Variants in C1orf174 observed in about 807,000 individuals in gnomAD.
The protein encoded by C1orf174 is UPF0688 protein C1orf174.
A neutral mutation model predicts 18.4 loss-of-function variants in C1orf174; 13 were observed. That is an observed-to-expected ratio of 0.71 (90% CI 0.46 to 1.12). C1orf174 has a LOEUF of 1.12. Ranked by LOEUF, C1orf174 falls within the 50% of genes most tolerant of loss-of-function variation. C1orf174 has a pLI of 0.00. For synonymous variants in C1orf174, 100 were observed against 118.3 expected, an observed-to-expected ratio of 0.85 and a Z score of 1.01; for missense variants, 309 against 308.0, an observed-to-expected ratio of 1.00 and a Z score of -0.02.
Position 3,900,239 on chromosome 1 carries a change from G to C in C1orf174, c.-53C>G. On this transcript the variant is annotated 5_prime_UTR_variant, in exon 1 of 4. Transcript: ENST00000361605. Reference sequence around the variant, plus strand: ...CGCGCCCCGGCCAACGCGTCCCGGCGGAGCGGCGACCCGGAGTCTGCAGAG... The same window carrying C: ...CGCGCCCCGGCCAACGCGTCCCGGCCGAGCGGCGACCCGGAGTCTGCAGAG... 1 of 1,535,292 alleles carries C rather than the reference G, an allele frequency of 6.5e-7. No individual in the cohort carries two copies.
chr1:3,895,049 C>T (rs946726490), intron 1 of C1orf174, among the ~76,000 whole-genome samples: 2 of 152,220 alleles, frequency 1.3e-5, no homozygotes, highest in Non-Finnish European at 2.9e-5. Context: ...TCACGTGCCT[C>T]GTAGGGAAAA....
At position 3,890,079 on chromosome 1, in the gene C1orf174, T is replaced by A. The variant is rs4520357; in HGVS notation, c.619-6A>T. ...GAAGACGCAGGTGGGAGGTCCTTAG[T>A]GGAGAAGAAAACATGACTTCAGTCA... On this transcript the variant is annotated splice_region_variant and splice_polypyrimidine_tract_variant and intron_variant, in intron 3 of 3. Transcript: ENST00000361605. 533,126 of 1,610,590 alleles carry A rather than the reference T, an allele frequency of 0.33. 91,225 individuals are homozygous for A. The highest frequency in any genetic ancestry group is 0.53 in the African/African-American group (39,885 of 74,834).
At chr1:3,891,706 C>T (rs1638519825) in intron 2 of C1orf174, 2 of 985,948 alleles carry the variant, frequency 2.0e-6, no homozygotes, top group Non-Finnish European at 2.4e-6. Flanking sequence ...CCTTTCCCCA[C>T]CCACTCTGCC....
intron 2 of C1orf174, chr1:3,891,643 C>T (rs1313918704): frequency 4.1e-6 from 4 of 985,944 alleles, no homozygotes; most frequent in South Asian, 9.4e-5. Flanking sequence ...TTCAGGAACT[C>T]GCTCCTCGGA....
chr1:3,891,765 T>C (rs550347787), intron 2 of C1orf174: 161 of 986,046 alleles, frequency 1.6e-4, no homozygotes, highest in South Asian at 1.4e-3. Context: ...TGGGCCAGCA[T>C]GACTCCATAG....
chr1:3,891,322 C>T, intron 2 of C1orf174: 1 of 428,466 alleles, frequency 2.3e-6, no homozygotes, highest in South Asian at 3.0e-5. Context: ...TCAGTTTCCC[C>T]TAGTGGCGTT....
In C1orf174 at chr1:3,889,804, G is replaced by A; in HGVS notation, c.*156C>T. Reference sequence around the variant, plus strand: ...GTTCCCATGAGTACATCCTCCACAGGTATTGGGTGCTTTGCACTATTGACT... The same window carrying A: ...GTTCCCATGAGTACATCCTCCACAGATATTGGGTGCTTTGCACTATTGACT... On this transcript the variant is annotated 3_prime_UTR_variant, in exon 4 of 4. Coordinates refer to ENST00000361605, the MANE Select transcript of C1orf174 (RefSeq NM_207356.3). 1.4e-6 allele frequency: 1 copy of A among 715,274 alleles called. No individual in the cohort carries two copies. The highest frequency in any genetic ancestry group is 1.6e-5 in the South Asian group (1 of 60,706). 44.3% of individuals were successfully genotyped at this position (715,274 alleles called of 1,614,324 possible). A position where few individuals can be genotyped will look rare whatever the true frequency, so the allele number is the denominator to read the frequency against.
At position 3,889,983 on chromosome 1, in the gene C1orf174, C is replaced by T. The variant is rs764359769; in HGVS notation, c.709G>A (p.Asp237Asn). 67 of 1,614,002 alleles carry T rather than the reference C, an allele frequency of 4.2e-5. 1 individual carries two copies. In the East Asian group the frequency reaches 8.9e-4, roughly 21 times the overall value. The change falls in exon 4 of 4, where the codon GAC becomes AAC. Residue 237 changes from aspartate to asparagine, a missense_variant. By Grantham distance (23) the Asp-to-Asn change is conservative. Transcript: ENST00000361605. ...CCCTACATTTCTGCATCATCGTCGT[C>T]GTCATCATCATCATCTTTGGCTCTG... is the stretch of plus-strand genomic sequence containing the variant. ...HFRAKDDDDD[D>N]DDDAEM
In C1orf174 at chr1:3,890,607, G is replaced by A. The variant is rs774448283; in HGVS notation, c.580C>T (p.Pro194Ser). 8 of 1,614,078 alleles carry A rather than the reference G, an allele frequency of 5.0e-6. No homozygotes were observed. The highest frequency in any genetic ancestry group is 5.9e-6 in the Non-Finnish European group (7 of 1,180,030). The change falls in exon 3 of 4, where the codon CCC becomes TCC. Residue 194 changes from proline to serine, a missense_variant. Coordinates refer to ENST00000361605, the MANE Select transcript of C1orf174 (RefSeq NM_207356.3). ...ACGTTTCCAAAGAACCGGCTCACGG[G>A]CATTGGCTGATTGCTGTCGTCATCT... ...FLDDDSNQPM[P>S]VSRFFGNVEL...
intron 2 of C1orf174, 21 bp from the exon 3 acceptor site, chr1:3,891,078 A>C: frequency 6.3e-7 from 1 of 1,594,944 alleles, no homozygotes; most frequent in Non-Finnish European, 8.5e-7. Flanking sequence ...AAAAAATGTA[A>C]GGGGAACCAG....
intron 1 of C1orf174, among the ~76,000 whole-genome samples, chr1:3,898,959 A>G (rs1008131073): frequency 2.7e-4 from 41 of 152,372 alleles, no homozygotes; most frequent in Admixed American, 1.3e-3. Flanking sequence ...GAATTAACCT[A>G]GTACAAATCT....
In C1orf174 at chr1:3,890,566, T is replaced by TA; in HGVS notation, c.618+2dup. ...CACGGGAGGAGGAAGGCGCCGCTCTTACCTGCATGAGCTCAACGTTTCCAA... is the reference window on the plus strand; with the variant it reads ...CACGGGAGGAGGAAGGCGCCGCTCTTAACCTGCATGAGCTCAACGTTTCCAA... On this transcript the variant is annotated splice_region_variant and intron_variant, in intron 3 of 3. Coordinates refer to ENST00000361605, the MANE Select transcript of C1orf174 (RefSeq NM_207356.3). The TA allele has an allele frequency of 6.2e-7, 1 of 1,613,902 alleles. No homozygotes were observed. The highest frequency in any genetic ancestry group is 8.5e-7 in the Non-Finnish European group (1 of 1,179,938).
chr1:3,891,771 C>T (rs1053520757), intron 2 of C1orf174: 1 of 986,006 alleles, frequency 1.0e-6, no homozygotes, highest in Non-Finnish European at 1.2e-6. Flanking sequence ...AGCATGACTC[C>T]ATAGCACGCT....
rs182006470 is a variant in C1orf174, at chr1:3,891,225, C to T, written c.130-168G>A. The T allele has an allele frequency of 7.0e-4, 601 of 853,552 alleles. 3 individuals carry two copies. The African/African-American group carries it at 8.3e-3, about 12-fold the overall frequency. The allele number at this position is 853,552 out of a possible 1,614,324, so 52.9% of individuals were successfully genotyped here. ...TTGCCACCAAGGGACAAAATACAAG[C>T]GAGACTGAATCTAGACACACCCCAC... is the stretch of plus-strand genomic sequence containing the variant. On this transcript the variant is annotated intron_variant, in intron 2 of 3. Transcript: ENST00000361605.
rs1638440290 is a variant in C1orf174, at chr1:3,889,240, T to C, written c.*720A>G. The C allele has an allele frequency of 6.6e-6, 1 of 152,202 alleles. No individual in the cohort carries two copies. Among genetic ancestry groups the C allele is most frequent in the African/African-American group, 2.4e-5 (1 of 41,430 alleles). The allele number at this position is 152,202 out of a possible 1,614,324, so 9.4% of individuals were successfully genotyped here. ...AAAAGAGTTCTTTAAGAACTAGCAT[T>C]GAATTCATCACAAGAATCATCAAAT... On this transcript the variant is annotated 3_prime_UTR_variant, in exon 4 of 4. Coordinates refer to ENST00000361605, the MANE Select transcript of C1orf174 (RefSeq NM_207356.3).
intron 1 of C1orf174, chr1:3,895,915 T>G (rs1638598753): frequency 6.6e-6 from 1 of 152,274 alleles, no homozygotes; most frequent in Admixed American, 6.5e-5. Flanking sequence ...GGAGCTTCAC[T>G]GACCTTCTCA....
intron 1 of C1orf174, among the ~76,000 whole-genome samples, chr1:3,896,806 C>T (rs1194589905): frequency 6.6e-6 from 1 of 152,208 alleles, no homozygotes; most frequent in Non-Finnish European, 1.5e-5. Flanking sequence ...TGTAGAGCAA[C>T]TTATGCCCAG....
rs1211180412 is a variant in C1orf174, at chr1:3,889,861, C to T, written c.*99G>A. 1 of 1,104,560 alleles carries T rather than the reference C, an allele frequency of 9.1e-7. No homozygotes were observed. Among genetic ancestry groups the T allele is most frequent in the Non-Finnish European group, 1.4e-6 (1 of 724,042 alleles). 68.4% of individuals were successfully genotyped at this position (1,104,560 alleles called of 1,614,324 possible). A position where few individuals can be genotyped will look rare whatever the true frequency, so the allele number is the denominator to read the frequency against. ...GGTCAGTTCTGAAGTTTGATTAAGACATTCTCTTGGAGATACATTTTATAT... is the reference window on the plus strand; with the variant it reads ...GGTCAGTTCTGAAGTTTGATTAAGATATTCTCTTGGAGATACATTTTATAT... On this transcript the variant is annotated 3_prime_UTR_variant, in exon 4 of 4. Coordinates refer to ENST00000361605, the MANE Select transcript of C1orf174 (RefSeq NM_207356.3).
At chr1:3,900,050 C>A (rs1455914619) in intron 1 of C1orf174, 122 bp downstream of exon 1, 7 of 1,254,290 alleles carry the variant, frequency 5.6e-6, no homozygotes, top group Admixed American at 3.3e-5. Context: ...GGGGGCGAGG[C>A]CCAAGCGGAG....
Sources: allele counts gnomAD v4.1 joint callset (sites outside exome capture counted in the v4.1 genomes callset), GRCh38; gene constraint gnomAD v4.1.1; transcripts MANE v1.5; gene names NCBI Gene and HGNC (gene_info 2026-07-23, HGNC 2026-07-21).